DNAJC15: variants seen among roughly 807,000 people sequenced by gnomAD.
DNAJC15 encodes the protein DnaJ heat shock protein family (Hsp40) member C15, also known as dnaJ homolog subfamily C member 15.
Under a neutral mutation model 22.4 loss-of-function variants are expected in DNAJC15, and 27 were observed. The ratio of observed to expected loss-of-function variants is 1.20; its 90% CI spans 0.89 to 1.66. The LOEUF is 1.66. Among genes scored for constraint, DNAJC15 ranks in the 40% most tolerant of loss-of-function variants. DNAJC15 has a pLI of 0.00. For missense variants in DNAJC15, 208 were observed against 187.1 expected, an observed-to-expected ratio of 1.11 and a Z score of -0.65; for synonymous variants, 79 against 63.2, an observed-to-expected ratio of 1.25 and a Z score of -1.19.
At chr13:43,055,361 C>G (rs1380802977) in intron 1 of DNAJC15, among the ~76,000 whole-genome samples, 1 of 152,292 alleles carries the variant, frequency 6.6e-6, no homozygotes, top group East Asian at 1.9e-4. Flanking sequence ...CCACTAACTC[C>G]CTCCTCACTA....
chr13:43,034,038 A>AT (rs1282932923), intron 1 of DNAJC15, among the ~76,000 whole-genome samples: 4 of 151,576 alleles, frequency 2.6e-5, no homozygotes, highest in Non-Finnish European at 5.9e-5. Context: ...CAAAAAAAAA[A>AT]AAAAAAGAAA....
chr13:43,080,069 GT>G (rs968745909), intron 4 of DNAJC15, among the ~76,000 whole-genome samples: 8 of 151,998 alleles, frequency 5.3e-5, no homozygotes, highest in Admixed American at 6.6e-5. Context: ...TTTTTTGGAA[GT>G]TTTTTTCTTT....
chr13:43,029,814 G>A (rs1048097333), intron 1 of DNAJC15, among the ~76,000 whole-genome samples: 12 of 151,948 alleles, frequency 7.9e-5, no homozygotes, highest in African/African-American at 2.7e-4. Context: ...TTATAGATGG[G>A]GATGAAGTTT....
At chr13:43,086,375 G>A (rs1053069221) in intron 5 of DNAJC15, among the ~76,000 whole-genome samples, 1 of 152,038 alleles carries the variant, frequency 6.6e-6, no homozygotes, top group African/African-American at 2.4e-5. Flanking sequence ...CACTACAGCT[G>A]CTTGAGAGGG....
chr13:43,037,537 T>C (rs1347870703), intron 1 of DNAJC15, among the ~76,000 whole-genome samples: 3 of 152,038 alleles, frequency 2.0e-5, no homozygotes, highest in African/African-American at 7.2e-5. Context: ...GGTCAGAGGG[T>C]TTTCTGCCTT....
chr13:43,039,158 A>G (rs1371248721), intron 1 of DNAJC15, among the ~76,000 whole-genome samples: 1 of 152,182 alleles, frequency 6.6e-6, no homozygotes, highest in East Asian at 1.9e-4. Flanking sequence ...GCTCTAGTCC[A>G]GTGTAGAATT....
rs567415295 is a variant in DNAJC15 at position 43,102,397 on chromosome 13, A to AT, written c.383-4779dup. On this transcript the variant is annotated intron_variant, in intron 5 of 5. Transcript: ENST00000379221. ...TGTGGGTTGTCTGTTTATTCTGCTG[A>AT]TTATTTCTTTTGCTATGCAGAAGCT... Among the ~76,000 whole-genome samples the AT allele has an allele frequency of 5.4e-4, 82 of 152,078 alleles. No individual in the cohort carries two copies. In the South Asian group the frequency reaches 0.017, roughly 31 times the overall value.
chr13:43,023,831 C>T (rs1489291008), intron 1 of DNAJC15, 97 bp downstream of exon 1: 1 of 1,151,260 alleles, frequency 8.7e-7, no homozygotes, highest in Non-Finnish European at 1.2e-6. Flanking sequence ...TGTACTCCCC[C>T]GCATTCGCTC....
chr13:43,087,530 T>G (rs981307194), intron 5 of DNAJC15, among the ~76,000 whole-genome samples: 3 of 152,214 alleles, frequency 2.0e-5, no homozygotes, highest in Admixed American at 6.5e-5. Context: ...TGGGGAAGTA[T>G]GAGAATGGGC....
chr13:43,111,149 A>G lies in DNAJC15; in HGVS notation c.*3901A>G, dbSNP rs987091590. On this transcript the variant is annotated 3_prime_UTR_variant, in exon 6 of 6. Coordinates refer to ENST00000379221, the MANE Select transcript of DNAJC15 (RefSeq NM_013238.3). ...CAGCGTAAAGTCAAAAGTGGAGGGA[A>G]GTTTAGTAAGGAAAAAATGTTGGGC... The G allele has an allele frequency of 6.6e-6, 1 of 152,238 alleles. No individual in the cohort carries two copies. The highest frequency in any genetic ancestry group is 1.5e-5 in the Non-Finnish European group (1 of 68,036). 9.4% of individuals were successfully genotyped at this position (152,238 alleles called of 1,614,324 possible).
chr13:43,037,893 C>A (rs776005550), intron 1 of DNAJC15, among the ~76,000 whole-genome samples: 1 of 152,208 alleles, frequency 6.6e-6, no homozygotes, highest in African/African-American at 2.4e-5. Context: ...ATTCTAAAGT[C>A]TAATGATCCC....
At chr13:43,100,564 A>G (rs547028665) in intron 5 of DNAJC15, among the ~76,000 whole-genome samples, 10 of 152,230 alleles carry the variant, frequency 6.6e-5, no homozygotes, top group African/African-American at 2.4e-4. Context: ...CTGCACTGCT[A>G]TCGCTGTGTC....
chr13:43,057,690 C>A (rs984262318), intron 1 of DNAJC15, among the ~76,000 whole-genome samples: 65 of 152,104 alleles, frequency 4.3e-4, no homozygotes, highest in Non-Finnish European at 4.9e-4. Context: ...GTCATACTAC[C>A]AGAATTGTTT....
At chr13:43,072,844 G>A (rs539085544) in intron 3 of DNAJC15, among the ~76,000 whole-genome samples, 4 of 152,270 alleles carry the variant, frequency 2.6e-5, no homozygotes, top group East Asian at 1.9e-4. Flanking sequence ...GATTATAGGC[G>A]TGAGCCACTG....
At chr13:43,058,018 A>G (rs2040539999) in intron 1 of DNAJC15, among the ~76,000 whole-genome samples, 1 of 151,852 alleles carries the variant, frequency 6.6e-6, no homozygotes, top group South Asian at 2.1e-4. Flanking sequence ...ATGGGAGTGA[A>G]GTGGACTCTT....
intron 5 of DNAJC15, among the ~76,000 whole-genome samples, chr13:43,086,889 A>G (rs1471138879): frequency 6.6e-6 from 1 of 152,180 alleles, no homozygotes; most frequent in East Asian, 1.9e-4. Context: ...TGGGCTTACT[A>G]ACATCCTTTA....
At chr13:43,082,779 CTAGAATAA>C (rs1277383048) in intron 4 of DNAJC15, among the ~76,000 whole-genome samples, 1 of 151,616 alleles carries the variant, frequency 6.6e-6, no homozygotes, top group African/African-American at 2.4e-5. Flanking sequence ...AACTTAATAT[CTAGAATAA>C]AATGGACCTT....
chr13:43,102,274 ATTAT>A (rs2040773104), intron 5 of DNAJC15, among the ~76,000 whole-genome samples: 2 of 151,402 alleles, frequency 1.3e-5, no homozygotes, highest in Admixed American at 6.6e-5. Flanking sequence ...TTTTGATGGG[ATTAT>A]TTATTTTTTT....
At position 43,023,660 on chromosome 13, in the gene DNAJC15, G is replaced by C. The variant is rs935464640; in HGVS notation, c.34G>C (p.Glu12Gln). The C allele has an allele frequency of 1.9e-6, 3 of 1,612,462 alleles. No homozygotes were observed. Among genetic ancestry groups the C allele is most frequent in the Admixed American group, 1.7e-5 (1 of 59,906 alleles). Reference protein sequence around the residue: ...AARGVIAPVGESLRYAEYLQP... With the variant: ...AARGVIAPVGQSLRYAEYLQP... Reference sequence around the variant, plus strand: ...CCGTGGTGTCATCGCTCCAGTTGGCGAGAGTTTGCGCTACGCTGAGTACTT... The same window carrying C: ...CCGTGGTGTCATCGCTCCAGTTGGCCAGAGTTTGCGCTACGCTGAGTACTT... Residue 12 changes from glutamate (E) to glutamine (Q), a missense_variant, in exon 1 of 6, where the codon GAG (glutamate) becomes CAG (glutamine). Transcript: ENST00000379221.
Sources: allele counts gnomAD v4.1 joint callset (sites outside exome capture counted in the v4.1 genomes callset), GRCh38; gene constraint gnomAD v4.1.1; transcripts MANE v1.5; gene names NCBI Gene and HGNC (gene_info 2026-07-23, HGNC 2026-07-21).